The following MYOM1 variants were observed in gnomAD, a reference collection of about 807,000 sequenced individuals.
MYOM1 encodes the protein myomesin-1.
In MYOM1, 164 loss-of-function variants were observed where a neutral mutation model predicts 205.3. That is an observed-to-expected ratio of 0.80 (90% confidence interval 0.70 to 0.91). The LOEUF is 0.91. Among genes scored for constraint, MYOM1 ranks in the 40% least tolerant of loss-of-function variants. The pLI is 0.00. For missense variants in MYOM1, 2,011 were observed against 2,127.3 expected (o/e 0.95, Z 1.08); for synonymous variants, 772 against 789.4 (o/e 0.98, Z 0.37).
chr18:3,142,049 C>G lies in MYOM1; in HGVS notation c.1915G>C (p.Gly639Arg). ...GTGACAGAGAGGTCTGTCGGGGGGC[C>G]AGGCACAATACCCTCTGAAAAACAA... ...EEEPSEGIVP[G>R]PPTDLSVTEA... Residue 639 changes from glycine (G) to arginine (R), a missense_variant, in exon 14 of 38, where the codon GGC becomes CGC. Transcript: ENST00000356443. 1 of 1,613,668 alleles carries G rather than the reference C, an allele frequency of 6.2e-7. No homozygotes were observed. Among genetic ancestry groups the G allele is most frequent in the African/African-American group, 1.3e-5 (1 of 74,978 alleles).
chr18:3,197,665 A>C (rs575711502), intron 2 of MYOM1, among the ~76,000 whole-genome samples: 1 of 151,974 alleles, frequency 6.6e-6, no homozygotes, highest in East Asian at 2.0e-4. Flanking sequence ...CGAGGTCAGG[A>C]GATCGAGACC....
At chr18:3,127,282 C>CATATATATATATATATATATATAT (rs1241920775) in intron 18 of MYOM1, among the ~76,000 whole-genome samples, 29 of 59,486 alleles carry the variant, frequency 4.9e-4, no homozygotes, top group South Asian at 7.3e-4. Context: ...TCAGAATTTC[C>CATATATATATATATATATATATAT]ATATATATAT....
intron 14 of MYOM1, among the ~76,000 whole-genome samples, chr18:3,140,905 C>T (rs1321428562): frequency 6.6e-6 from 1 of 152,098 alleles, no homozygotes; most frequent in African/African-American, 2.4e-5. Flanking sequence ...AAAGTACAAA[C>T]ACTTGTTTCA....
intron 3 of MYOM1, among the ~76,000 whole-genome samples, chr18:3,191,772 T>C (rs2080909407): frequency 6.6e-6 from 1 of 151,906 alleles, no homozygotes; most frequent in Admixed American, 6.6e-5. Flanking sequence ...CTCAGCTCAC[T>C]GCAACCTCTG....
At chr18:3,124,853 C>T (rs1399202004) in intron 19 of MYOM1, among the ~76,000 whole-genome samples, 1 of 152,082 alleles carries the variant, frequency 6.6e-6, no homozygotes, top group Non-Finnish European at 1.5e-5. Context: ...AAGGACAAAG[C>T]ATATGTTAGT....
At chr18:3,169,506 T>C (rs1413306262) in intron 8 of MYOM1, among the ~76,000 whole-genome samples, 1 of 152,188 alleles carries the variant, frequency 6.6e-6, no homozygotes, top group East Asian at 1.9e-4. Context: ...AAGATCTGAA[T>C]AGACGTTTCT....
At chr18:3,126,048 C>A (rs1451118897) in intron 19 of MYOM1, among the ~76,000 whole-genome samples, 1 of 152,082 alleles carries the variant, frequency 6.6e-6, no homozygotes, top group Non-Finnish European at 1.5e-5. Context: ...GTGAGCGGAT[C>A]ACTTGAGGCC....
At chr18:3,201,188 C>A (rs2144207494) in intron 2 of MYOM1, among the ~76,000 whole-genome samples, 1 of 152,200 alleles carries the variant, frequency 6.6e-6, no homozygotes. Flanking sequence ...CACTTGAGGT[C>A]AGGAGTTTGA....
chr18:3,134,882 A>C (rs1413892592), intron 15 of MYOM1, 58 bp from the exon 16 acceptor site: 1 of 1,539,906 alleles, frequency 6.5e-7, no homozygotes, highest in Non-Finnish European at 9.0e-7. Flanking sequence ...CATCCTTATC[A>C]TCTATGCACA....
At position 3,089,564 on chromosome 18, in the gene MYOM1, G is replaced by A; in HGVS notation, c.4042C>T (p.Gln1348Ter). 6.2e-7 allele frequency: 1 copy of A among 1,609,308 alleles called. No homozygotes were observed. Among genetic ancestry groups the A allele is most frequent in the Non-Finnish European group, 8.5e-7 (1 of 1,177,770 alleles). ...FKKLQKEAEF[Q>*]RQEWIRKQGP... ...TGTTTCCTGATCCATTCTTGCCGCTGGAATTCAGCTTCTTTCTGGAGCTTT... is the reference window on the plus strand; with the variant it reads ...TGTTTCCTGATCCATTCTTGCCGCTAGAATTCAGCTTCTTTCTGGAGCTTT... The change falls in exon 28 of 38, where the codon CAG (glutamine) becomes TAG (stop). Residue 1348 changes from glutamine (Q) to a stop codon, truncating the protein, a stop_gained. Coordinates refer to ENST00000356443, the MANE Select transcript of MYOM1 (RefSeq NM_003803.4). LOFTEE classifies it high-confidence loss of function.
At chr18:3,081,153 A>G (rs937313465) in intron 33 of MYOM1, among the ~76,000 whole-genome samples, 3 of 151,532 alleles carry the variant, frequency 2.0e-5, no homozygotes, top group Non-Finnish European at 4.4e-5. Flanking sequence ...AAAGAGAGAG[A>G]GTTAAACAGA....
chr18:3,105,066 T>G (rs1475606906), intron 22 of MYOM1, among the ~76,000 whole-genome samples: 1 of 152,118 alleles, frequency 6.6e-6, no homozygotes, highest in African/African-American at 2.4e-5. Flanking sequence ...CTTTTTATAC[T>G]TTGCTTGAGA....
At position 3,187,552 on chromosome 18, in the gene MYOM1, T is replaced by C. The variant is rs1190204741; in HGVS notation, c.857A>G (p.His286Arg). 2.5e-6 allele frequency: 4 copies of C among 1,613,760 alleles called. No homozygotes were observed. The highest frequency in any genetic ancestry group is 3.4e-6 in the Non-Finnish European group (4 of 1,179,840). Reference sequence around the variant, plus strand: ...TACATTCTCCTTCTCCCAAACCGTGTGGGAGCGAGGTTTAATGATAAACTC... The same window carrying C: ...TACATTCTCCTTCTCCCAAACCGTGCGGGAGCGAGGTTTAATGATAAACTC... ...APEFIIKPRS[H>R]TVWEKENVKL... The change falls in exon 5 of 38, where the codon CAC (histidine) becomes CGC (arginine). Residue 286 changes from histidine to arginine, a missense_variant. By Grantham distance (29) the His-to-Arg change is conservative. Coordinates refer to ENST00000356443, the MANE Select transcript of MYOM1 (RefSeq NM_003803.4).
At chr18:3,146,128 A>C (rs1052853117) in intron 13 of MYOM1, among the ~76,000 whole-genome samples, 1 of 152,076 alleles carries the variant, frequency 6.6e-6, no homozygotes, top group Non-Finnish European at 1.5e-5. Context: ...AAAACAAACA[A>C]ACCAAAAAAC....
rs1230149988 is a variant in MYOM1, at chr18:3,189,713, T to A, written c.432-626A>T. On this transcript the variant is annotated intron_variant, in intron 3 of 37. Transcript: ENST00000356443. This position sits in a 1 kb window ranked among gnomAD's most constrained non-coding sequence, Gnocchi z 4.8. The stretch of plus-strand genomic sequence containing the variant: ...ATATGGTAACGAAGTTCAGATAAGT[T>A]AGATAACTTGGCCAAGGTCGTCTCA... 6.6e-6 allele frequency among the ~76,000 whole-genome samples: 1 copy of A among 152,206 alleles called. No homozygotes were observed. Among genetic ancestry groups the A allele is most frequent in the Non-Finnish European group, 1.5e-5 (1 of 68,040 alleles).
At chr18:3,071,141 T>C (rs2078955097) in intron 37 of MYOM1, among the ~76,000 whole-genome samples, 1 of 152,194 alleles carries the variant, frequency 6.6e-6, no homozygotes. Flanking sequence ...GAAGCCTGTT[T>C]TCAACAGAAC....
In MYOM1 at chr18:3,085,149, A is replaced by T; in HGVS notation, c.4252-17T>A. On this transcript the variant is annotated splice_polypyrimidine_tract_variant and intron_variant, in intron 30 of 37. Transcript: ENST00000356443. ...CTTGGAAAACTAAGGGGGAATAGAT[A>T]TACCACATTGCACCTTTCGTAGCCC... 1 of 1,573,970 alleles carries T rather than the reference A, an allele frequency of 6.4e-7. No homozygotes were observed. Among genetic ancestry groups the T allele is most frequent in the Admixed American group, 1.8e-5 (1 of 56,530 alleles).
chr18:3,107,413 G>A (rs745319725), intron 22 of MYOM1, among the ~76,000 whole-genome samples: 4 of 152,092 alleles, frequency 2.6e-5, no homozygotes, highest in Non-Finnish European at 5.9e-5. Flanking sequence ...CACCGCACCC[G>A]GCCAGGTTTA....
intron 13 of MYOM1, among the ~76,000 whole-genome samples, chr18:3,144,033 C>T (rs1835057741): frequency 6.6e-6 from 1 of 151,658 alleles, no homozygotes; most frequent in Non-Finnish European, 1.5e-5. Context: ...AGTGAAACCC[C>T]ATCTCTACTA....
Sources: gnomAD v4.1 joint callset for allele counts (sites outside exome capture counted in the v4.1 genomes callset) on GRCh38, gnomAD v4.1.1 for gene constraint, Gnocchi (gnomAD v3.1) non-coding constraint, MANE v1.5 for transcripts, NCBI Gene and HGNC (gene_info 2026-07-23, HGNC 2026-07-21) for gene names.